The following PRR16 variants were observed in gnomAD, a reference collection of about 807,000 sequenced individuals.
The protein encoded by PRR16 is protein Largen.
PRR16 carries 6 observed loss-of-function variants against 18.2 expected under a neutral mutation model. That is an observed-to-expected ratio of 0.33 (90% confidence interval 0.18 to 0.65). The LOEUF (loss-of-function observed/expected upper bound fraction) is 0.65. Ranked by LOEUF, PRR16 falls within the 30% of genes least tolerant of loss-of-function variation. PRR16 has a pLI of 0.74. For missense variants in PRR16, 412 were observed against 376.6 expected (o/e 1.09, Z -0.78); for synonymous variants, 151 against 147.8 (o/e 1.02, Z -0.16).
At chr5:120,555,412 T>C (rs896598984) in intron 1 of PRR16, among the ~76,000 whole-genome samples, 1 of 151,928 alleles carries the variant, frequency 6.6e-6, no homozygotes, top group African/African-American at 2.4e-5. Context: ...AGCAAGAAAG[T>C]TCCAAGTCAA....
At chr5:120,621,742 C>T (rs1754696316) in intron 1 of PRR16, among the ~76,000 whole-genome samples, 3 of 152,066 alleles carry the variant, frequency 2.0e-5, no homozygotes, top group Admixed American at 6.6e-5. Flanking sequence ...CTTTCTGCCA[C>T]CTTGTAAAGA....
At chr5:120,779,354 C>T in the PRR16 span, among the ~76,000 whole-genome samples, 4 of 152,112 alleles carry the variant, frequency 2.6e-5, no homozygotes, top group Non-Finnish European at 5.9e-5. Context: ...TGAATAAAAT[C>T]CCTGCTTAGC....
the PRR16 span, among the ~76,000 whole-genome samples, chr5:120,695,568 T>G: frequency 4.6e-5 from 7 of 152,196 alleles, no homozygotes; most frequent in Non-Finnish European, 1.0e-4. Flanking sequence ...TAGTTTCTAC[T>G]CCATCCTGCC....
At chr5:120,711,514 G>C in the PRR16 span, among the ~76,000 whole-genome samples, 1 of 152,178 alleles carries the variant, frequency 6.6e-6, no homozygotes, top group African/African-American at 2.4e-5. Context: ...ATTAAGTTAA[G>C]AACTATTTGA....
chr5:120,648,213 T>C (rs1263228728), intron 1 of PRR16, among the ~76,000 whole-genome samples: 1 of 152,140 alleles, frequency 6.6e-6, no homozygotes, highest in Non-Finnish European at 1.5e-5. Flanking sequence ...TGGTGATACT[T>C]TGCTGAACCT....
At chr5:120,782,080 G>A in the PRR16 span, among the ~76,000 whole-genome samples, 1 of 152,082 alleles carries the variant, frequency 6.6e-6, no homozygotes, top group East Asian at 1.9e-4. Context: ...TTGTTCTTCT[G>A]TAGTGACTCT....
At chr5:120,778,268 AT>A in the PRR16 span, among the ~76,000 whole-genome samples, 1 of 152,084 alleles carries the variant, frequency 6.6e-6, no homozygotes, top group Non-Finnish European at 1.5e-5. Flanking sequence ...AACTTGTAGG[AT>A]ATCTTATTCT....
intron 1 of PRR16, among the ~76,000 whole-genome samples, chr5:120,465,456 C>T (rs1247666989): frequency 6.6e-6 from 1 of 152,216 alleles, no homozygotes; most frequent in Non-Finnish European, 1.5e-5. Flanking sequence ...TCGGTTCTTC[C>T]CCGCTTTTCC....
At chr5:120,594,486 G>A (rs1199732979) in intron 1 of PRR16, among the ~76,000 whole-genome samples, 3 of 152,154 alleles carry the variant, frequency 2.0e-5, no homozygotes, top group African/African-American at 7.2e-5. Flanking sequence ...AACATCTGAT[G>A]CTCATGGATA....
chr5:120,686,131 A>G lies in PRR16; in HGVS notation c.337A>G (p.Ile113Val), dbSNP rs1226151823. The G allele has an allele frequency of 3.1e-6, 5 of 1,614,138 alleles. No individual in the cohort carries two copies. In the South Asian group the frequency reaches 4.4e-5, roughly 14 times the overall value. ...TAAACCCCCAGCACACCCGTCTGCT[A>G]TCCTCACGGTCCTGAGAAAGCCAAA... ...LIKPPAHPSAILTVLRKPNPP... is the reference protein window; with the variant it reads ...LIKPPAHPSAVLTVLRKPNPP... The change falls in exon 2 of 2, where the codon ATC becomes GTC. Residue 113 changes from isoleucine (I) to valine (V), a missense_variant. Physicochemically the swap from Ile to Val is conservative, Grantham distance 29. Transcript: ENST00000407149.
chr5:120,618,436 T>C (rs1285324173), intron 1 of PRR16: 1 of 956,876 alleles, frequency 1.0e-6, no homozygotes, highest in Non-Finnish European at 1.2e-6. Flanking sequence ...TACTGTTTTT[T>C]AACAGTTTGT....
intron 1 of PRR16, among the ~76,000 whole-genome samples, chr5:120,542,143 C>A (rs1355418514): frequency 6.6e-6 from 1 of 152,044 alleles, no homozygotes; most frequent in Non-Finnish European, 1.5e-5. Context: ...ATTTTTGCAG[C>A]AACTTTTGGG....
chr5:120,748,458 G>T, the PRR16 span, among the ~76,000 whole-genome samples: 1 of 151,664 alleles, frequency 6.6e-6, no homozygotes, highest in Non-Finnish European at 1.5e-5. Context: ...TAGTATATTT[G>T]GGGACTTTAA....
chr5:120,787,049 G>A, the PRR16 span, among the ~76,000 whole-genome samples: 234 of 152,114 alleles, frequency 1.5e-3, 1 homozygote, highest in African/African-American at 5.3e-3. Flanking sequence ...ATGAAGAATG[G>A]GTCAGAAGGC....
intron 1 of PRR16, among the ~76,000 whole-genome samples, chr5:120,680,418 A>C (rs1299924652): frequency 1.3e-5 from 2 of 152,128 alleles, no homozygotes; most frequent in Non-Finnish European, 2.9e-5. Flanking sequence ...TAACTACTTT[A>C]TATTTGCTAA....
intron 1 of PRR16, among the ~76,000 whole-genome samples, chr5:120,479,340 G>T (rs1028925716): frequency 2.6e-5 from 4 of 152,100 alleles, no homozygotes; most frequent in Non-Finnish European, 5.9e-5. Context: ...TAAAGACCAT[G>T]CTATGTTGCA....
intron 1 of PRR16, among the ~76,000 whole-genome samples, chr5:120,629,905 T>C (rs1409596487): frequency 6.6e-6 from 1 of 152,098 alleles, no homozygotes; most frequent in African/African-American, 2.4e-5. Flanking sequence ...TAAAATCAGC[T>C]ATCAGCACAA....
the PRR16 span, among the ~76,000 whole-genome samples, chr5:120,756,106 T>A: frequency 6.6e-6 from 1 of 152,176 alleles, no homozygotes; most frequent in South Asian, 2.1e-4. Flanking sequence ...GTCTGATTGG[T>A]TGCCTGAGGG....
At chr5:120,558,363 G>A (rs1752479574) in intron 1 of PRR16, among the ~76,000 whole-genome samples, 1 of 151,678 alleles carries the variant, frequency 6.6e-6, no homozygotes, top group Non-Finnish European at 1.5e-5. Flanking sequence ...AACTCATCAT[G>A]TTTTGATTTT....
Sources: allele counts gnomAD v4.1 joint callset (sites outside exome capture counted in the v4.1 genomes callset), GRCh38; gene constraint gnomAD v4.1.1; transcripts MANE v1.5; gene names NCBI Gene and HGNC (gene_info 2026-07-23, HGNC 2026-07-21).